SLC44A5: variants seen among roughly 807,000 people sequenced by gnomAD.
The protein encoded by SLC44A5 is choline transporter-like protein 5.
A neutral mutation model predicts 101.8 loss-of-function variants in SLC44A5; 57 were observed. That is an observed-to-expected ratio of 0.56 (90% CI 0.45 to 0.70). SLC44A5 has a LOEUF of 0.70. Ranked by LOEUF, SLC44A5 falls within the 30% of genes least tolerant of loss-of-function variation. The pLI is 0.00. For synonymous variants in SLC44A5, 281 were observed against 290.9 expected (o/e 0.97, Z 0.35); for missense variants, 737 against 853.1 (o/e 0.86, Z 1.70).
intron 2 of SLC44A5, among the ~76,000 whole-genome samples, chr1:75,537,230 A>G (rs1671104498): frequency 6.6e-6 from 1 of 151,990 alleles, no homozygotes; most frequent in Non-Finnish European, 1.5e-5. Context: ...AATTGGTACC[A>G]TAATCTGGAT....
At chr1:75,409,793 A>G (rs1209091057) in intron 2 of SLC44A5, among the ~76,000 whole-genome samples, 2 of 152,130 alleles carry the variant, frequency 1.3e-5, no homozygotes, top group Non-Finnish European at 2.9e-5. Flanking sequence ...ATAATTATGT[A>G]GGGCAGGAGT....
chr1:75,556,267 TACTAA>T (rs1672212515), intron 1 of SLC44A5, among the ~76,000 whole-genome samples: 1 of 152,160 alleles, frequency 6.6e-6, no homozygotes, highest in African/African-American at 2.4e-5. Context: ...CGTCAAAACT[TACTAA>T]ACTAATCTAA....
the SLC44A5 span, among the ~76,000 whole-genome samples, chr1:75,630,504 T>G: frequency 2.0e-5 from 3 of 152,162 alleles, no homozygotes; most frequent in Non-Finnish European, 4.4e-5. Flanking sequence ...CCTGGAGACA[T>G]GCAAAAGCTT....
chr1:75,567,653 CAGTG>C (rs1050515306), intron 1 of SLC44A5, among the ~76,000 whole-genome samples: 2 of 152,066 alleles, frequency 1.3e-5, no homozygotes, highest in Non-Finnish European at 2.9e-5. Context: ...ACAGAGGAGA[CAGTG>C]AGAGTTGGCC....
chr1:75,329,175 C>G (rs1570689728), intron 4 of SLC44A5, among the ~76,000 whole-genome samples: 2 of 152,268 alleles, frequency 1.3e-5, no homozygotes, highest in Non-Finnish European at 2.9e-5. Context: ...CAGAGTTACT[C>G]TAGACTCCTC....
the SLC44A5 span, among the ~76,000 whole-genome samples, chr1:75,681,478 A>G: frequency 7.3e-5 from 11 of 151,480 alleles, no homozygotes; most frequent in African/African-American, 2.7e-4. Context: ...AATGTAATCC[A>G]GCATATAAAC....
chr1:75,347,128 C>T (rs1466882239), intron 3 of SLC44A5, among the ~76,000 whole-genome samples: 1 of 152,096 alleles, frequency 6.6e-6, no homozygotes. Context: ...TTCTATTAAA[C>T]TTAAGAATAA....
intron 2 of SLC44A5, among the ~76,000 whole-genome samples, chr1:75,497,273 G>A (rs548674731): frequency 3.3e-4 from 50 of 151,708 alleles, no homozygotes; most frequent in African/African-American, 8.9e-4. Flanking sequence ...AAAAATTGCC[G>A]TGTGTGTGTG....
chr1:75,254,586 A>G (rs1649858104), intron 6 of SLC44A5, among the ~76,000 whole-genome samples: 1 of 152,140 alleles, frequency 6.6e-6, no homozygotes, highest in South Asian at 2.1e-4. Context: ...CTCGCCACAC[A>G]AGCTAAGAAT....
At chr1:75,356,726 T>C (rs1659107688) in intron 3 of SLC44A5, among the ~76,000 whole-genome samples, 1 of 152,134 alleles carries the variant, frequency 6.6e-6, no homozygotes, top group Non-Finnish European at 1.5e-5. Context: ...TTCCAGGAAG[T>C]CTTGAAAATT....
intron 2 of SLC44A5, among the ~76,000 whole-genome samples, chr1:75,518,983 G>A (rs1011806047): frequency 6.6e-6 from 1 of 152,152 alleles, no homozygotes; most frequent in Non-Finnish European, 1.5e-5. Context: ...TACTTTAAAT[G>A]GGAGAATTTT....
chr1:75,687,589 C>T, the SLC44A5 span, among the ~76,000 whole-genome samples: 31 of 152,172 alleles, frequency 2.0e-4, no homozygotes, highest in Non-Finnish European at 4.4e-5. Context: ...CAGGCATGAG[C>T]CACCACATGC....
At chr1:75,682,547 G>A in the SLC44A5 span, among the ~76,000 whole-genome samples, 6 of 152,020 alleles carry the variant, frequency 3.9e-5, no homozygotes, top group Non-Finnish European at 8.8e-5. Context: ...AATCTGGCTA[G>A]ACATATGTAG....
At chr1:75,711,054 C>T in the SLC44A5 span, among the ~76,000 whole-genome samples, 4 of 152,114 alleles carry the variant, frequency 2.6e-5, no homozygotes, top group African/African-American at 4.8e-5. Context: ...TTTCAGTTGC[C>T]CACAACCAAC....
intron 23 of SLC44A5, among the ~76,000 whole-genome samples, chr1:75,207,114 G>A (rs1330354456): frequency 2.0e-5 from 3 of 152,186 alleles, no homozygotes; most frequent in African/African-American, 7.2e-5. Flanking sequence ...GAATAATAAT[G>A]GAATTTCAGA....
chr1:75,330,735 A>T (rs1273004081), intron 4 of SLC44A5, among the ~76,000 whole-genome samples: 1 of 152,108 alleles, frequency 6.6e-6, no homozygotes, highest in African/African-American at 2.4e-5. Context: ...TCTGGTAGCC[A>T]TCTCTACTAG....
intron 4 of SLC44A5, among the ~76,000 whole-genome samples, chr1:75,328,054 G>A (rs374681745): frequency 1.5e-4 from 23 of 152,278 alleles, no homozygotes; most frequent in South Asian, 1.2e-3. Context: ...GTGGTGCCAC[G>A]CCCCAGGGCC....
chr1:75,321,233 T>C (rs1284666369), intron 4 of SLC44A5, among the ~76,000 whole-genome samples: 1 of 152,190 alleles, frequency 6.6e-6, no homozygotes, highest in Non-Finnish European at 1.5e-5. Context: ...AGGTATTTAT[T>C]ATAGCAGCAA....
the SLC44A5 span, among the ~76,000 whole-genome samples, chr1:75,671,037 G>T: frequency 6.6e-6 from 1 of 152,194 alleles, no homozygotes; most frequent in Non-Finnish European, 1.5e-5. Context: ...GGAGACAAAG[G>T]CGTAAGGAGA....
Sources: allele counts gnomAD v4.1 joint callset (sites outside exome capture counted in the v4.1 genomes callset), GRCh38; gene constraint gnomAD v4.1.1; transcripts MANE v1.5; gene names NCBI Gene and HGNC (gene_info 2026-07-23, HGNC 2026-07-21).